VMP1: variants seen among roughly 807,000 people sequenced by gnomAD.
VMP1 encodes vacuole membrane protein 1, also known as ectopic P-granules autophagy protein 3 homolog.
Under a neutral mutation model 56.0 loss-of-function variants are expected in VMP1, and 11 were observed. The observed-to-expected ratio is 0.20, with a 90% CI of 0.12 to 0.32. The LOEUF is 0.32. Ranked by LOEUF, VMP1 falls within the 10% of genes least tolerant of loss-of-function variation. The probability of loss-of-function intolerance (pLI) is 1.00; values close to 1 mark genes in which losing one functional copy is unlikely to be tolerated. For synonymous variants in VMP1, 149 were observed against 165.0 expected (o/e 0.90, Z 0.74); for missense variants, 296 against 490.3 (o/e 0.60, Z 3.74).
At chr17:59,810,027 T>A (rs1052216230) in intron 8 of VMP1, among the ~76,000 whole-genome samples, 2 of 152,158 alleles carry the variant, frequency 1.3e-5, no homozygotes, top group Non-Finnish European at 2.9e-5. Flanking sequence ...TTCCTCAAAT[T>A]TATAGATAAG....
chr17:59,821,019 G>A (rs1292015258), intron 10 of VMP1, among the ~76,000 whole-genome samples: 1 of 145,352 alleles, frequency 6.9e-6, no homozygotes, highest in Non-Finnish European at 1.5e-5. Context: ...CGCCCAGGCT[G>A]GAGTGCAGTG....
intron 7 of VMP1, among the ~76,000 whole-genome samples, chr17:59,774,418 A>AT (rs1186018225): frequency 6.3e-5 from 9 of 143,846 alleles, no homozygotes; most frequent in Admixed American, 3.5e-4. Context: ...TCTCTAAAAA[A>AT]AAAAAAGAAA....
At chr17:59,714,781 C>A (rs1442454407) in intron 1 of VMP1, among the ~76,000 whole-genome samples, 1 of 152,070 alleles carries the variant, frequency 6.6e-6, no homozygotes, top group Non-Finnish European at 1.5e-5. Flanking sequence ...GCAATCCTCC[C>A]ACCTCAGCCC....
At chr17:59,780,346 T>C (rs928212787) in intron 7 of VMP1, among the ~76,000 whole-genome samples, 1 of 152,200 alleles carries the variant, frequency 6.6e-6, no homozygotes, top group Non-Finnish European at 1.5e-5. Context: ...ATTCCAGCAC[T>C]TTGGGAGACC....
At chr17:59,837,424 A>G (rs532915102) in intron 10 of VMP1, among the ~76,000 whole-genome samples, 1 of 152,246 alleles carries the variant, frequency 6.6e-6, no homozygotes, top group Admixed American at 6.5e-5. Context: ...GTTTTTAAAA[A>G]CGCCTGCAAG....
chr17:59,812,847 C>T (rs916560701), intron 9 of VMP1, among the ~76,000 whole-genome samples: 4 of 152,132 alleles, frequency 2.6e-5, no homozygotes, highest in African/African-American at 7.2e-5. Flanking sequence ...AGGAGAGTCT[C>T]TTGAACCTGG....
At chr17:59,804,480 C>T (rs1468420413) in intron 7 of VMP1, among the ~76,000 whole-genome samples, 1 of 151,506 alleles carries the variant, frequency 6.6e-6, no homozygotes, top group African/African-American at 2.4e-5. Context: ...CCGGGCGTTG[C>T]GGTGTGTGCC....
At chr17:59,735,680 T>G (rs1476239036) in intron 3 of VMP1, 12 of 543,964 alleles carry the variant, frequency 2.2e-5, no homozygotes, top group Non-Finnish European at 2.9e-5. Flanking sequence ...GTTTGCTTAC[T>G]GGATTATCAC....
chr17:59,821,736 G>A (rs1332357560), intron 10 of VMP1, among the ~76,000 whole-genome samples: 1 of 151,616 alleles, frequency 6.6e-6, no homozygotes, highest in Non-Finnish European at 1.5e-5. Context: ...ATTTTTAGTA[G>A]GGACAGGGTT....
intron 10 of VMP1, among the ~76,000 whole-genome samples, chr17:59,836,241 A>G (rs868254110): frequency 6.7e-6 from 1 of 149,684 alleles, no homozygotes; most frequent in Admixed American, 6.7e-5. Flanking sequence ...TTATTTATTT[A>G]TTTTTTTGAG....
At chr17:59,770,075 T>C (rs1282932587) in intron 6 of VMP1, among the ~76,000 whole-genome samples, 2 of 152,182 alleles carry the variant, frequency 1.3e-5, no homozygotes, top group Non-Finnish European at 2.9e-5. Flanking sequence ...ACTAGGAGAA[T>C]TAAACTAAAA....
At chr17:59,763,147 TTTC>T (rs1323438140) in intron 5 of VMP1, among the ~76,000 whole-genome samples, 2 of 152,170 alleles carry the variant, frequency 1.3e-5, no homozygotes, top group Admixed American at 6.5e-5. Context: ...TTACAGCTGA[TTTC>T]TTCTTTTTTT....
At chr17:59,781,086 G>C (rs1478354376) in intron 7 of VMP1, among the ~76,000 whole-genome samples, 2 of 152,140 alleles carry the variant, frequency 1.3e-5, no homozygotes, top group Admixed American at 6.6e-5. Context: ...AGAACAAGTG[G>C]AAAGAGACTG....
intron 7 of VMP1, among the ~76,000 whole-genome samples, chr17:59,787,119 C>T (rs952532283): frequency 6.6e-6 from 1 of 152,148 alleles, no homozygotes; most frequent in Non-Finnish European, 1.5e-5. Context: ...TGACTATTCG[C>T]ACAGTTAGGT....
At chr17:59,760,077 C>G (rs957876650) in intron 5 of VMP1, among the ~76,000 whole-genome samples, 1 of 149,074 alleles carries the variant, frequency 6.7e-6, no homozygotes, top group Non-Finnish European at 1.5e-5. Context: ...GAGCTGTGAT[C>G]ACACTACTGC....
chr17:59,717,369 G>A (rs1331573627), intron 1 of VMP1, among the ~76,000 whole-genome samples: 1 of 152,034 alleles, frequency 6.6e-6, no homozygotes, highest in African/African-American at 2.4e-5. Flanking sequence ...ATGAGAAATG[G>A]GATTTTTCTT....
chr17:59,802,255 T>G (rs1598414868), intron 7 of VMP1, among the ~76,000 whole-genome samples: 1 of 151,888 alleles, frequency 6.6e-6, no homozygotes, highest in African/African-American at 2.4e-5. Context: ...ACACATATAC[T>G]TACATTGTGT....
At chr17:59,775,240 G>A (rs900292327) in intron 7 of VMP1, among the ~76,000 whole-genome samples, 2 of 152,012 alleles carry the variant, frequency 1.3e-5, no homozygotes, top group East Asian at 1.9e-4. Flanking sequence ...CACCACGCCC[G>A]GCCTACAAAA....
rs146058033 is a variant in VMP1, at chr17:59,795,184, C to T, written c.715-13612C>T. Reference sequence around the variant, plus strand: ...GAGACGGGGTTTCTCCATGTTGGTCCGGCTGGTCTGGAACTCCCGACCTCA... The same window carrying T: ...GAGACGGGGTTTCTCCATGTTGGTCTGGCTGGTCTGGAACTCCCGACCTCA... On this transcript the variant is annotated intron_variant, in intron 7 of 11. Coordinates refer to ENST00000262291, the MANE Select transcript of VMP1 (RefSeq NM_030938.5). 4.0e-5 allele frequency among the ~76,000 whole-genome samples: 6 copies of T among 151,766 alleles called. No homozygotes were observed. The East Asian group carries it at 7.8e-4, about 20-fold the overall frequency.
Sources: allele counts gnomAD v4.1 joint callset (sites outside exome capture counted in the v4.1 genomes callset), GRCh38; gene constraint gnomAD v4.1.1; transcripts MANE v1.5; gene names NCBI Gene and HGNC (gene_info 2026-07-23, HGNC 2026-07-21).